The following LMOD1 variants were observed in gnomAD, a reference collection of about 807,000 sequenced individuals.
LMOD1 encodes leiomodin-1.
A neutral mutation model predicts 36.5 loss-of-function variants in LMOD1; 8 were observed. The observed-to-expected ratio is 0.22, with a 90% CI of 0.13 to 0.40. The LOEUF (loss-of-function observed/expected upper bound fraction) is 0.40. Ranked by LOEUF, LMOD1 falls within the 10% of genes least tolerant of loss-of-function variation. LMOD1 has a pLI of 1.00. For missense variants in LMOD1, 630 were observed against 751.1 expected, an observed-to-expected ratio of 0.84 and a Z score of 1.88; for synonymous variants, 284 against 288.7, an observed-to-expected ratio of 0.98 and a Z score of 0.17.
At chr1:201,943,685 CT>C (rs1682156707) in intron 1 of LMOD1, among the ~76,000 whole-genome samples, 2 of 152,198 alleles carry the variant, frequency 1.3e-5, no homozygotes, top group Admixed American at 1.3e-4. Context: ...TTCTGGGTTC[CT>C]TGACTCAGAT....
Position 201,946,473 on chromosome 1 carries a change from C to T in LMOD1, c.-133G>A. On this transcript the variant is annotated 5_prime_UTR_variant, in exon 1 of 3. Coordinates refer to ENST00000367288, the MANE Select transcript of LMOD1 (RefSeq NM_012134.3). ...TCCTGCTGGTCGAGGACTGCAGCTC[C>T]TTGGCCCTTCTGTGCTACAGGTGCT... The T allele has an allele frequency of 2.2e-6, 2 of 897,056 alleles. No individual in the cohort carries two copies. Among genetic ancestry groups the T allele is most frequent in the Non-Finnish European group, 3.4e-6 (2 of 593,816 alleles). The allele number at this position is 897,056 out of a possible 1,614,324, so 55.6% of individuals were successfully genotyped here.
intron 1 of LMOD1, among the ~76,000 whole-genome samples, chr1:201,916,516 A>AAAAACAAAAC (rs71564168): frequency 6.6e-6 from 1 of 150,768 alleles, no homozygotes; most frequent in South Asian, 2.1e-4. Flanking sequence ...CCCTGTCTCA[A>AAAAACAAAAC]AAAACAAAAC....
intron 1 of LMOD1, among the ~76,000 whole-genome samples, chr1:201,929,147 T>C (rs1043983719): frequency 2.0e-5 from 3 of 149,392 alleles, no homozygotes; most frequent in Non-Finnish European, 4.5e-5. Flanking sequence ...CTGTTGCCCA[T>C]GCTGGAGTGC....
chr1:201,914,349 C>T (rs1254872679), intron 1 of LMOD1, among the ~76,000 whole-genome samples: 1 of 152,180 alleles, frequency 6.6e-6, no homozygotes, highest in Non-Finnish European at 1.5e-5. Context: ...GGCCAGGGTT[C>T]CACACTTTGC....
rs1226603575 is a variant in LMOD1, at chr1:201,934,398, C to A, written c.261+11682G>T. 2.6e-5 allele frequency among the ~76,000 whole-genome samples: 4 copies of A among 152,292 alleles called. No individual in the cohort carries two copies. The East Asian group carries it at 7.7e-4, about 29-fold the overall frequency. On this transcript the variant is annotated intron_variant, in intron 1 of 2. Coordinates refer to ENST00000367288, the MANE Select transcript of LMOD1 (RefSeq NM_012134.3). ...CTGGCTGTATCTTGGCCCATCTCTG[C>A]TGCCTTCTCTCCTAAGTGATTACCT...
intron 1 of LMOD1, among the ~76,000 whole-genome samples, chr1:201,932,721 G>A (rs894946550): frequency 2.6e-5 from 4 of 152,080 alleles, no homozygotes; most frequent in East Asian, 1.9e-4. Flanking sequence ...TGGCCTGGGC[G>A]ACAAAGACCT....
chr1:201,911,035 G>C (rs1423162618), intron 1 of LMOD1, among the ~76,000 whole-genome samples: 1 of 152,114 alleles, frequency 6.6e-6, no homozygotes, highest in African/African-American at 2.4e-5. Context: ...CACGGTCACA[G>C]TGATACACTA....
chr1:201,898,814 G>T (rs1192346021), intron 2 of LMOD1, among the ~76,000 whole-genome samples: 1 of 152,180 alleles, frequency 6.6e-6, no homozygotes. Context: ...CCTTTCGGAT[G>T]GACTGACCTG....
Position 201,899,751 on chromosome 1 carries a change from C to T in LMOD1, c.1262G>A (p.Arg421His), listed in dbSNP as rs1487322841. The T allele has an allele frequency of 4.3e-6, 7 of 1,614,014 alleles. No individual in the cohort carries two copies. The highest frequency in any genetic ancestry group is 1.1e-5 in the South Asian group (1 of 91,086). ...ACAGATGTGTCGCTGGTTGTGGAAG[C>T]GGAGCTCGGTCAGCGTGTTGTTCTG... ...LLQNNTLTEL[R>H]FHNQRHICGG... is the part of the protein sequence containing the mutation. Residue 421 changes from arginine to histidine, a missense_variant, in exon 2 of 3, where the codon CGC (arginine) becomes CAC (histidine). Around this residue, in one of 3 missense-constraint regions of LMOD1, gnomAD observed 81 missense variants for 180.6 expected, o/e 0.45. Transcript: ENST00000367288. This position sits in a 1 kb window ranked among gnomAD's most constrained non-coding sequence, Gnocchi z 6.3.
intron 1 of LMOD1, among the ~76,000 whole-genome samples, chr1:201,939,566 A>G (rs1682078745): frequency 6.6e-6 from 1 of 152,196 alleles, no homozygotes; most frequent in Admixed American, 6.5e-5. Context: ...AGAACTGATG[A>G]ACCGAATGGA....
intron 1 of LMOD1, among the ~76,000 whole-genome samples, chr1:201,905,137 C>T (rs1210812324): frequency 6.6e-6 from 1 of 152,150 alleles, no homozygotes; most frequent in Non-Finnish European, 1.5e-5. Context: ...TATTTTTTCC[C>T]TTTGCGAAAA....
Position 201,900,230 on chromosome 1 carries a change from G to A in LMOD1, c.783C>T (p.Asn261=), listed in dbSNP as rs778272766. 6 of 1,613,684 alleles carry A rather than the reference G, an allele frequency of 3.7e-6. No homozygotes were observed. The highest frequency in any genetic ancestry group is 2.2e-5 in the South Asian group (2 of 91,068). ...TTTCATCGTCCTTTTTGGTGTCTGT[G>A]TTCCCAGTTCCTCTTTTTACCTTCT... ...EDEKVKRGTG[N]TDTKKDDEKV... is the part of the protein sequence containing the mutation. The change falls in exon 2 of 3, where the codon AAC becomes AAT. Residue 261 remains asparagine, a synonymous_variant. Transcript: ENST00000367288.
At chr1:201,931,554 A>G (rs964140621) in intron 1 of LMOD1, among the ~76,000 whole-genome samples, 5 of 149,142 alleles carry the variant, frequency 3.4e-5, no homozygotes, top group East Asian at 2.0e-4. Flanking sequence ...AAAAAAAAAA[A>G]GGGAGAGAAA....
At chr1:201,913,771 A>T (rs966956124) in intron 1 of LMOD1, among the ~76,000 whole-genome samples, 2 of 152,152 alleles carry the variant, frequency 1.3e-5, no homozygotes, top group African/African-American at 4.8e-5. Flanking sequence ...TGAAATGGGG[A>T]CACCTCCAAA....
At chr1:201,930,379 C>A (rs138221525) in intron 1 of LMOD1, among the ~76,000 whole-genome samples, 89 of 152,024 alleles carry the variant, frequency 5.9e-4, no homozygotes, top group Non-Finnish European at 2.9e-5. Context: ...CGAGGAGGGG[C>A]AGAGTTCAGA....
intron 1 of LMOD1, among the ~76,000 whole-genome samples, chr1:201,941,449 C>G (rs1463838724): frequency 6.6e-6 from 1 of 152,158 alleles, no homozygotes; most frequent in Non-Finnish European, 1.5e-5. Context: ...CTTTTGCCTC[C>G]CTGGGTCAAC....
intron 1 of LMOD1, among the ~76,000 whole-genome samples, chr1:201,909,354 A>T (rs1344932302): frequency 6.6e-6 from 1 of 152,170 alleles, no homozygotes; most frequent in Admixed American, 6.5e-5. Flanking sequence ...AAACCAGAGA[A>T]ATTCTAACAC....
At chr1:201,913,464 G>A (rs1039950583) in intron 1 of LMOD1, among the ~76,000 whole-genome samples, 14 of 152,110 alleles carry the variant, frequency 9.2e-5, no homozygotes, top group African/African-American at 1.9e-4. Flanking sequence ...AAAATTAGCC[G>A]GGCATGGTGG....
chr1:201,933,193 C>T (rs1287725662), intron 1 of LMOD1, among the ~76,000 whole-genome samples: 1 of 152,116 alleles, frequency 6.6e-6, no homozygotes, highest in Non-Finnish European at 1.5e-5. Flanking sequence ...GCGAGTGGAA[C>T]ACCTGAAGTC....
Sources: gnomAD v4.1 joint callset for allele counts (sites outside exome capture counted in the v4.1 genomes callset) on GRCh38, gnomAD v4.1.1 for gene constraint, gnomAD v4.1.1 regional missense constraint, Gnocchi (gnomAD v3.1) non-coding constraint, MANE v1.5 for transcripts, NCBI Gene and HGNC (gene_info 2026-07-23, HGNC 2026-07-21) for gene names.